USP20: variants seen among roughly 807,000 people sequenced by gnomAD.
The protein encoded by USP20 is ubiquitin specific peptidase 20.
A neutral mutation model predicts 124.2 loss-of-function variants in USP20; 80 were observed. That is an observed-to-expected ratio of 0.64 (90% CI 0.54 to 0.78). The LOEUF is 0.78. USP20 is among the 30% of genes least tolerant of loss of function. The pLI is 0.00. For missense variants in USP20, 1,043 were observed against 1,244.4 expected, an observed-to-expected ratio of 0.84 and a Z score of 2.44; for synonymous variants, 481 against 512.3, an observed-to-expected ratio of 0.94 and a Z score of 0.83.
intron 14 of USP20, 199 bp downstream of exon 14, chr9:129,870,043 A>C: frequency 3.1e-6 from 2 of 655,122 alleles, no homozygotes; most frequent in Non-Finnish European, 5.1e-6. Context: ...AGGATTGGAT[A>C]GTCCCTTGGA....
At chr9:129,846,245 ATATT>A (rs1490768667) in intron 1 of USP20, among the ~76,000 whole-genome samples, 67 of 43,388 alleles carry the variant, frequency 1.5e-3, no homozygotes, top group Admixed American at 3.6e-3. Flanking sequence ...ATATATATAT[ATATT>A]TTTTTTTTTT....
chr9:129,866,705 T>C (rs1281724921), intron 10 of USP20, among the ~76,000 whole-genome samples: 1 of 152,236 alleles, frequency 6.6e-6, no homozygotes, highest in East Asian at 1.9e-4. Context: ...GAGGCTGAAC[T>C]GTAGACGCAG....
In USP20 at chr9:129,869,436, C is replaced by T; in HGVS notation, c.1392+11C>T. ...CTCACCTGTGACCGGGTGGGTGCCC[C>T]AGGGATGGGGGGAGCTGGGCCAGGC... On this transcript the variant is annotated intron_variant, in intron 13 of 25. Coordinates refer to ENST00000372429, the MANE Select transcript of USP20 (RefSeq NM_001110303.4). The T allele has an allele frequency of 6.2e-7, 1 of 1,612,456 alleles. No homozygotes were observed. Among genetic ancestry groups the T allele is most frequent in the Non-Finnish European group, 8.5e-7 (1 of 1,179,002 alleles).
chr9:129,877,848 C>T (rs761001129), intron 22 of USP20, among the ~76,000 whole-genome samples: 68 of 151,818 alleles, frequency 4.5e-4, no homozygotes, highest in Non-Finnish European at 9.0e-4. Context: ...TCGAGGTGGG[C>T]GGATCACCTG....
chr9:129,868,662 C>A (rs1338624455), intron 11 of USP20, among the ~76,000 whole-genome samples, 200 bp from the exon 12 acceptor site: 1 of 152,142 alleles, frequency 6.6e-6, no homozygotes, highest in East Asian at 1.9e-4. Flanking sequence ...TCTCCCAGAG[C>A]CCTGAGCCTT....
At chr9:129,857,012 A>C (rs1398222967) in intron 4 of USP20, among the ~76,000 whole-genome samples, 1 of 152,016 alleles carries the variant, frequency 6.6e-6, no homozygotes, top group Non-Finnish European at 1.5e-5. Context: ...CCAAGTATGT[A>C]TTTTTATAGT....
intron 15 of USP20, 27 bp from the exon 16 acceptor site, chr9:129,873,455 C>G: frequency 1.2e-6 from 2 of 1,614,090 alleles, no homozygotes; most frequent in Middle Eastern, 1.6e-4. Context: ...CCTTGCTAAC[C>G]TCTGACCCTT....
At chr9:129,873,230 C>A (rs182205311) in intron 15 of USP20, among the ~76,000 whole-genome samples, 1 of 151,758 alleles carries the variant, frequency 6.6e-6, no homozygotes, top group Non-Finnish European at 1.5e-5. Context: ...ATTACAGGCA[C>A]GCACCACCAC....
At chr9:129,873,924 A>G (rs4332227) in intron 17 of USP20, among the ~76,000 whole-genome samples, 180 bp downstream of exon 17, 142,997 of 152,072 alleles carry the variant, frequency 0.94, 67,575 homozygotes, top group Non-Finnish European at 0.98. Context: ...ACATTTTTCC[A>G]ACTGTGACTT....
At position 129,875,594 on chromosome 9, in the gene USP20, C is replaced by G. The variant is rs776584347; in HGVS notation, c.2253C>G (p.Asp751Glu). The change falls in exon 21 of 26, where the codon GAC becomes GAG. Residue 751 changes from aspartate to glutamate, a missense_variant. Asp to Glu is a conservative substitution (Grantham distance 45). Coordinates refer to ENST00000372429, the MANE Select transcript of USP20 (RefSeq NM_001110303.4). ...IPPHKYHYID[D>E]LVVILPQNVW... ...CCCACAAATACCACTACATCGACGA[C>G]CTGGTGGTCATCCTGCCCCAGAACG... 6.2e-6 allele frequency: 10 copies of G among 1,614,106 alleles called. No individual in the cohort carries two copies. Among genetic ancestry groups the G allele is most frequent in the Non-Finnish European group, 6.8e-6 (8 of 1,180,004 alleles).
intron 6 of USP20, 35 bp from the exon 7 acceptor site, chr9:129,860,902 T>C (rs2033509142): frequency 6.2e-7 from 1 of 1,605,890 alleles, no homozygotes; most frequent in Admixed American, 1.7e-5. Flanking sequence ...AGCCCCTCTG[T>C]TCACTGTTTT....
At chr9:129,877,363 A>G (rs2034451775) in intron 22 of USP20, among the ~76,000 whole-genome samples, 1 of 151,982 alleles carries the variant, frequency 6.6e-6, no homozygotes, top group Non-Finnish European at 1.5e-5. Context: ...TACAAACAAT[A>G]CAAAAATTAG....
At chr9:129,867,419 C>G (rs1320869202) in intron 10 of USP20, among the ~76,000 whole-genome samples, 1 of 152,108 alleles carries the variant, frequency 6.6e-6, no homozygotes, top group East Asian at 1.9e-4. Flanking sequence ...ATGACCAGGT[C>G]TGTGGGAAGG....
chr9:129,867,991 GC>G lies in USP20; in HGVS notation c.691-10del. On this transcript the variant is annotated splice_polypyrimidine_tract_variant and intron_variant, in intron 10 of 25. Coordinates refer to ENST00000372429, the MANE Select transcript of USP20 (RefSeq NM_001110303.4). ...CCTCCAGGGGAGCCCTGTTGATGCA[GC>G]CCCTGGTTCTAGGACACCCAAGAGT... 1 of 1,604,816 alleles carries G rather than the reference GC, an allele frequency of 6.2e-7. No individual in the cohort carries two copies. Among genetic ancestry groups the G allele is most frequent in the Non-Finnish European group, 8.5e-7 (1 of 1,174,476 alleles).
rs2034602448 is a variant in USP20, at chr9:129,880,635, C to T, written c.*185C>T. ...TGTTGAAACGACCAAGACTCTGTGA[C>T]GTTAATTTGGGTCTTTGTCCTGGCA... On this transcript the variant is annotated 3_prime_UTR_variant, in exon 26 of 26. Transcript: ENST00000372429. 3 of 207,492 alleles carry T rather than the reference C, an allele frequency of 1.4e-5. No individual in the cohort carries two copies. The highest frequency in any genetic ancestry group is 1.2e-4 in the East Asian group (1 of 8,668). The allele number at this position is 207,492 out of a possible 1,614,324, so 12.9% of individuals were successfully genotyped here.
At chr9:129,871,140 T>A (rs992078654) in intron 15 of USP20, among the ~76,000 whole-genome samples, 8 of 152,156 alleles carry the variant, frequency 5.3e-5, no homozygotes, top group African/African-American at 1.9e-4. Context: ...CTTTTACATC[T>A]TGCAAACCTG....
At chr9:129,845,475 GCTCT>G (rs1319023080) in intron 1 of USP20, among the ~76,000 whole-genome samples, 3 of 152,172 alleles carry the variant, frequency 2.0e-5, no homozygotes, top group Non-Finnish European at 4.4e-5. Flanking sequence ...AAGGAAAACA[GCTCT>G]CTCTCTAGTG....
In USP20 at chr9:129,845,342, A is replaced by G. The variant is rs145393396; in HGVS notation, c.-128-4471A>G. 1.2e-3 allele frequency among the ~76,000 whole-genome samples: 189 copies of G among 151,936 alleles called. 1 individual carries two copies. The highest frequency in any genetic ancestry group is 2.4e-3 in the Non-Finnish European group (163 of 67,946). On this transcript the variant is annotated intron_variant, in intron 1 of 25. Coordinates refer to ENST00000372429, the MANE Select transcript of USP20 (RefSeq NM_001110303.4). ...AACATACCTAGGAAGCCAGATGCAC[A>G]CTCTTCTTATTTTCTTATTTTGGAA... is the stretch of plus-strand genomic sequence containing the variant.
At position 129,869,855 on chromosome 9, in the gene USP20, C is replaced by T. The variant is rs1387619068; in HGVS notation, c.1565+11C>T. On this transcript the variant is annotated intron_variant, in intron 14 of 25. Coordinates refer to ENST00000372429, the MANE Select transcript of USP20 (RefSeq NM_001110303.4). ...GGAGTACATCCGACGGTGCGCCCAC[C>T]TTGCCACTACTGGGCGACATGGGCT... is the stretch of plus-strand genomic sequence containing the variant. 7.5e-6 allele frequency: 12 copies of T among 1,605,402 alleles called. No homozygotes were observed. The highest frequency in any genetic ancestry group is 3.3e-5 in the South Asian group (3 of 90,450).
Sources: allele counts gnomAD v4.1 joint callset (sites outside exome capture counted in the v4.1 genomes callset), GRCh38; gene constraint gnomAD v4.1.1; transcripts MANE v1.5; gene names NCBI Gene and HGNC (gene_info 2026-07-23, HGNC 2026-07-21).